The following MTA3 variants were observed in gnomAD, a reference collection of about 807,000 sequenced individuals.
MTA3 encodes metastasis-associated protein MTA3.
Under a neutral mutation model 83.5 loss-of-function variants are expected in MTA3, and 34 were observed. The observed-to-expected ratio is 0.41, with a 90% CI of 0.31 to 0.54. The LOEUF (loss-of-function observed/expected upper bound fraction) is 0.54, where lower values mean the gene tolerates loss of function less well. MTA3 is among the 20% of genes least tolerant of loss of function. The probability of loss-of-function intolerance (pLI) is 0.33; values close to 1 mark genes in which losing one functional copy is unlikely to be tolerated. For synonymous variants in MTA3, 303 were observed against 252.7 expected (o/e 1.20, Z -1.89); for missense variants, 761 against 726.4 (o/e 1.05, Z -0.55).
intron 16 of MTA3, among the ~76,000 whole-genome samples, chr2:42,735,850 T>G (rs940549691): frequency 3.9e-5 from 6 of 152,202 alleles, no homozygotes; most frequent in Non-Finnish European, 7.3e-5. Context: ...ATTCTATTAT[T>G]GAATTCTGTT....
chr2:42,647,326 C>T (rs957125575), intron 6 of MTA3, among the ~76,000 whole-genome samples: 5 of 151,796 alleles, frequency 3.3e-5, no homozygotes, highest in Admixed American at 6.6e-5. Context: ...TGGGTTCAAA[C>T]GATTCCTGTG....
chr2:42,629,952 T>C (rs1249212572), intron 4 of MTA3, among the ~76,000 whole-genome samples: 1 of 152,110 alleles, frequency 6.6e-6, no homozygotes, highest in African/African-American at 2.4e-5. Context: ...CTAACTTTTT[T>C]TGTATTTTTA....
At chr2:42,567,669 A>G (rs1677980849), upstream of MTA3, among the ~76,000 whole-genome samples, 1 of 148,388 alleles carries the variant, frequency 6.7e-6, no homozygotes, top group African/African-American at 2.5e-5. Flanking sequence ...TGTATCTGTG[A>G]GAGTAGGAAG....
chr2:42,624,094 C>T lies in MTA3; in HGVS notation c.317+14510C>T, dbSNP rs530889412. On this transcript the variant is annotated intron_variant, in intron 4 of 16. Coordinates refer to ENST00000405094, the MANE Select transcript of MTA3 (RefSeq NM_001330442.2). ...GAGACAGAAAGATGGTGATATCTAA[C>T]GAGAAGTGTATAGTTTGGTTGTTGC... 4.6e-5 allele frequency among the ~76,000 whole-genome samples: 7 copies of T among 152,176 alleles called. No individual in the cohort carries two copies. In the South Asian group the frequency reaches 8.3e-4, roughly 18 times the overall value.
At chr2:42,582,694 AGAGCATCTGCT>A (rs1236962337) in intron 3 of MTA3, among the ~76,000 whole-genome samples, 1 of 152,198 alleles carries the variant, frequency 6.6e-6, no homozygotes, top group Non-Finnish European at 1.5e-5. Context: ...CACTGTTGGT[AGAGCATCTGCT>A]GACTGGAGAG....
At chr2:42,586,184 G>C (rs1680255860) in intron 3 of MTA3, among the ~76,000 whole-genome samples, 1 of 151,140 alleles carries the variant, frequency 6.6e-6, no homozygotes, top group African/African-American at 2.4e-5. Flanking sequence ...GGCTGAGGCA[G>C]AATTGCTTGA....
intron 7 of MTA3, among the ~76,000 whole-genome samples, chr2:42,658,286 A>G (rs1448446560): frequency 6.6e-6 from 1 of 152,100 alleles, no homozygotes; most frequent in African/African-American, 2.4e-5. Context: ...CATCTAACAC[A>G]AGTATCTCTT....
intron 8 of MTA3, among the ~76,000 whole-genome samples, chr2:42,677,967 C>A (rs1157095650): frequency 6.6e-6 from 1 of 152,136 alleles, no homozygotes; most frequent in Non-Finnish European, 1.5e-5. Context: ...AAAGTAAAAT[C>A]ATGAATAATG....
intron 16 of MTA3, among the ~76,000 whole-genome samples, chr2:42,738,463 C>G (rs941212504): frequency 2.6e-5 from 4 of 152,160 alleles, no homozygotes; most frequent in Non-Finnish European, 4.4e-5. Flanking sequence ...ATTTCCTATG[C>G]CCGTCTTTAC....
chr2:42,607,537 G>C (rs1184916620), intron 3 of MTA3, among the ~76,000 whole-genome samples: 1 of 152,046 alleles, frequency 6.6e-6, no homozygotes, highest in Non-Finnish European at 1.5e-5. Context: ...GCTAATTTTT[G>C]TATTTTTTGT....
At chr2:42,749,846 G>A (rs999750465) in intron 16 of MTA3, among the ~76,000 whole-genome samples, 2 of 152,042 alleles carry the variant, frequency 1.3e-5, no homozygotes, top group Non-Finnish European at 2.9e-5. Flanking sequence ...AGCCTACCAC[G>A]ATAGGAAGCA....
At chr2:42,655,203 C>G (rs979184537) in intron 6 of MTA3, among the ~76,000 whole-genome samples, 2 of 152,174 alleles carry the variant, frequency 1.3e-5, no homozygotes, top group African/African-American at 4.8e-5. Flanking sequence ...CCAGAAAAAT[C>G]AAGGGCTTCT....
intron 4 of MTA3, among the ~76,000 whole-genome samples, chr2:42,615,290 A>G (rs1389572155): frequency 6.6e-6 from 1 of 151,064 alleles, no homozygotes; most frequent in Non-Finnish European, 1.5e-5. Flanking sequence ...TTACTATGGA[A>G]CACTGTATCC....
intron 2 of MTA3, among the ~76,000 whole-genome samples, chr2:42,536,626 G>A (rs537020028): frequency 1.3e-5 from 2 of 152,216 alleles, no homozygotes; most frequent in South Asian, 2.1e-4. Context: ...TTGGGAGGCT[G>A]AGGCAGGCGG....
At chr2:42,513,441 A>G (rs928681407) in intron 2 of MTA3, among the ~76,000 whole-genome samples, 1 of 152,184 alleles carries the variant, frequency 6.6e-6, no homozygotes, top group African/African-American at 2.4e-5. Flanking sequence ...GGTGCTGGGA[A>G]GAAAGGGCAA....
intron 6 of MTA3, among the ~76,000 whole-genome samples, chr2:42,651,595 A>G (rs1321619558): frequency 6.6e-6 from 1 of 151,754 alleles, no homozygotes; most frequent in Non-Finnish European, 1.5e-5. Flanking sequence ...CAGGAATTCG[A>G]GACCAGCCTG....
chr2:42,529,560 T>C (rs1558416717), intron 2 of MTA3, among the ~76,000 whole-genome samples: 2 of 152,240 alleles, frequency 1.3e-5, no homozygotes, highest in Non-Finnish European at 2.9e-5. Context: ...TCTTCAGTGA[T>C]TGGCACCAAG....
At chr2:42,527,746 T>C (rs1251305020) in intron 2 of MTA3, among the ~76,000 whole-genome samples, 1 of 151,796 alleles carries the variant, frequency 6.6e-6, no homozygotes, top group Non-Finnish European at 1.5e-5. Context: ...TTTCAGCTAC[T>C]CAAGACACTG....
intron 16 of MTA3, among the ~76,000 whole-genome samples, chr2:42,749,717 C>T (rs1245027332): frequency 6.6e-6 from 1 of 152,040 alleles, no homozygotes; most frequent in Non-Finnish European, 1.5e-5. Context: ...ATCCTCCCAC[C>T]TCAGCCTCCC....
Sources: gnomAD v4.1 joint callset for allele counts (sites outside exome capture counted in the v4.1 genomes callset) on GRCh38, gnomAD v4.1.1 for gene constraint, MANE v1.5 for transcripts, NCBI Gene and HGNC (gene_info 2026-07-23, HGNC 2026-07-21) for gene names.